Variants in KCNJ3 observed in about 807,000 individuals in gnomAD.
The protein encoded by KCNJ3 is potassium inwardly rectifying channel subfamily J member 3.
In KCNJ3, 4 loss-of-function variants were observed where a neutral mutation model predicts 39.2. The ratio of observed to expected loss-of-function variants is 0.10; its 90% CI spans 0.05 to 0.23. The LOEUF is 0.23. Among genes scored for constraint, KCNJ3 ranks in the 10% least tolerant of loss-of-function variants. The pLI is 1.00. For missense variants in KCNJ3, 276 were observed against 634.9 expected, an observed-to-expected ratio of 0.43 and a Z score of 6.08; for synonymous variants, 230 against 237.4, an observed-to-expected ratio of 0.97 and a Z score of 0.29.
chr2:154,846,383 C>T, intron 2 of KCNJ3, among the ~76,000 whole-genome samples: 1 of 152,146 alleles, frequency 6.6e-6, no homozygotes, highest in Non-Finnish European at 1.5e-5. Flanking sequence ...ATAATCATGA[C>T]TGATAATAGT....
chr2:154,836,241 CA>C (rs138197731), intron 2 of KCNJ3, among the ~76,000 whole-genome samples: 2 of 82,540 alleles, frequency 2.4e-5, no homozygotes, highest in East Asian at 6.7e-4. Context: ...AAAAAAAAAA[CA>C]AAAAAAAACA....
At chr2:154,816,024 G>C (rs906750641) in intron 2 of KCNJ3, among the ~76,000 whole-genome samples, 1 of 152,148 alleles carries the variant, frequency 6.6e-6, no homozygotes, top group African/African-American at 2.4e-5. Flanking sequence ...TTGTTTGCTT[G>C]CTTACTTTTT....
At chr2:154,771,603 C>T (rs1028952088) in intron 2 of KCNJ3, among the ~76,000 whole-genome samples, 1 of 152,030 alleles carries the variant, frequency 6.6e-6, no homozygotes, top group African/African-American at 2.4e-5. Context: ...GTTGTGTATT[C>T]CAAAAGGTAG....
intron 2 of KCNJ3, among the ~76,000 whole-genome samples, chr2:154,825,981 CA>C (rs1250219764): frequency 1.3e-5 from 2 of 151,528 alleles, no homozygotes; most frequent in Non-Finnish European, 2.9e-5. Flanking sequence ...TGTTAATAGT[CA>C]AAAGATTAGT....
chr2:154,822,171 A>G (rs1687196171), intron 2 of KCNJ3, among the ~76,000 whole-genome samples: 1 of 152,136 alleles, frequency 6.6e-6, no homozygotes, highest in African/African-American at 2.4e-5. Flanking sequence ...TTTGTAATAT[A>G]TTTTCAGACG....
intron 2 of KCNJ3, among the ~76,000 whole-genome samples, chr2:154,809,695 A>G (rs989970212): frequency 6.6e-6 from 1 of 152,188 alleles, no homozygotes; most frequent in African/African-American, 2.4e-5. Context: ...AGTCTTGGTC[A>G]TGTACTCATA....
At chr2:154,760,472 T>G (rs1347661338) in intron 2 of KCNJ3, among the ~76,000 whole-genome samples, 1 of 152,134 alleles carries the variant, frequency 6.6e-6, no homozygotes, top group Non-Finnish European at 1.5e-5. Flanking sequence ...ATTTAGTTGG[T>G]TTTATTTTAA....
intron 2 of KCNJ3, among the ~76,000 whole-genome samples, chr2:154,734,034 G>C (rs1387369827): frequency 6.6e-6 from 1 of 152,120 alleles, no homozygotes; most frequent in Non-Finnish European, 1.5e-5. Context: ...TTCACAATGT[G>C]AACTTATTTC....
At chr2:154,722,944 G>C (rs1685289974) in intron 2 of KCNJ3, among the ~76,000 whole-genome samples, 1 of 152,042 alleles carries the variant, frequency 6.6e-6, no homozygotes, top group Non-Finnish European at 1.5e-5. Flanking sequence ...TGGAGGGGAA[G>C]ATATTTAAGA....
In KCNJ3 at chr2:154,856,581, G is replaced by C. The variant is rs184744339; in HGVS notation, c.*1268G>C. ...ATGCCTGTCACTTATAGTTCAGGAGGAAGTTTTTGCACAGACCAGAGAGAA... is the reference window on the plus strand; with the variant it reads ...ATGCCTGTCACTTATAGTTCAGGAGCAAGTTTTTGCACAGACCAGAGAGAA... On this transcript the variant is annotated 3_prime_UTR_variant, in exon 3 of 3. Coordinates refer to ENST00000295101, the MANE Select transcript of KCNJ3 (RefSeq NM_002239.4). The C allele has an allele frequency of 2.2e-3, 333 of 152,224 alleles. 7 individuals carry two copies. Among genetic ancestry groups the C allele is most frequent in the African/African-American group, 7.5e-3 (313 of 41,552 alleles). The allele number at this position is 152,224 out of a possible 1,614,324, so 9.4% of individuals were successfully genotyped here. A position where few individuals can be genotyped will look rare whatever the true frequency, so the allele number is the denominator to read the frequency against.
intron 2 of KCNJ3, among the ~76,000 whole-genome samples, chr2:154,823,005 G>A (rs541639388): frequency 6.6e-6 from 1 of 151,604 alleles, no homozygotes; most frequent in African/African-American, 2.4e-5. Context: ...TTATGCATAT[G>A]AATATAATAT....
In KCNJ3 at chr2:154,855,231, A is replaced by G; in HGVS notation, c.1424A>G (p.Gln475Arg). The G allele has an allele frequency of 6.2e-7, 1 of 1,613,856 alleles. No homozygotes were observed. Among genetic ancestry groups the G allele is most frequent in the Non-Finnish European group, 8.5e-7 (1 of 1,179,928 alleles). The change falls in exon 3 of 3, where the codon CAA becomes CGA. Residue 475 changes from glutamine (Q) to arginine (R), a missense_variant. Physicochemically the swap from Gln to Arg is conservative, Grantham distance 43. This residue lies in a region of KCNJ3 where 126 missense variants were observed against 179.8 expected (regional missense o/e 0.70). Coordinates refer to ENST00000295101, the MANE Select transcript of KCNJ3 (RefSeq NM_002239.4). ...GTGGCTGATTTGCCACCAAAGCTTC[A>G]AAAGATGGCTGGAGGAGCAGCTAGG... The part of the protein sequence containing the change: ...QSVADLPPKL[Q>R]KMAGGAARME...
In KCNJ3 at chr2:154,739,698, T is replaced by C. The variant is rs1001672241; in HGVS notation, c.919+29879T>C. 5.9e-5 allele frequency among the ~76,000 whole-genome samples: 9 copies of C among 152,046 alleles called. 1 individual carries two copies. The highest frequency in any genetic ancestry group is 2.9e-5 in the Non-Finnish European group (2 of 67,956). On this transcript the variant is annotated intron_variant, in intron 2 of 2. Coordinates refer to ENST00000295101, the MANE Select transcript of KCNJ3 (RefSeq NM_002239.4). ...AGGCTTCTTTGAGTCATTGTTTTAATATGGGCAGGGGAAAAGAAAATTAGC... is the reference window on the plus strand; with the variant it reads ...AGGCTTCTTTGAGTCATTGTTTTAACATGGGCAGGGGAAAAGAAAATTAGC...
intron 1 of KCNJ3, among the ~76,000 whole-genome samples, chr2:154,703,440 T>C (rs2105146276): frequency 6.6e-6 from 1 of 151,960 alleles, no homozygotes; most frequent in Non-Finnish European, 1.5e-5. Flanking sequence ...ACATCACATA[T>C]GTTATTTTTG....
At chr2:154,849,148 T>A (rs1558890998) in intron 2 of KCNJ3, among the ~76,000 whole-genome samples, 1 of 152,186 alleles carries the variant, frequency 6.6e-6, no homozygotes, top group Non-Finnish European at 1.5e-5. Flanking sequence ...TATCCCTCTG[T>A]GACTCAGTTT....
At chr2:154,709,568 G>A (rs991982138) in intron 1 of KCNJ3, 35 bp from the exon 2 acceptor site, 2 of 1,599,210 alleles carry the variant, frequency 1.3e-6, no homozygotes, top group East Asian at 4.5e-5. Context: ...CAGTACAAGT[G>A]GTGATTTCTT....
Position 154,801,592 on chromosome 2 carries a change from C to CCTTTCTTTCTTTCTTTCT in KCNJ3, c.920-53130_920-53113dup, listed in dbSNP as rs891972208. Among the ~76,000 whole-genome samples the CCTTTCTTTCTTTCTTTCT allele has an allele frequency of 3.7e-3, 482 of 129,072 alleles. 2 individuals carry two copies. Among genetic ancestry groups the CCTTTCTTTCTTTCTTTCT allele is most frequent in the Admixed American group, 5.9e-3 (74 of 12,516 alleles). 84.7% of individuals were successfully genotyped at this position (129,072 alleles called of 152,430 possible). A position where few individuals can be genotyped will look rare whatever the true frequency, so the allele number is the denominator to read the frequency against. On this transcript the variant is annotated intron_variant, in intron 2 of 2. Transcript: ENST00000295101. ...CTTTCTCTGTCTCTCTCTTTCTTTC[C>CCTTTCTTTCTTTCTTTCT]CTTTCTTTCTTTCTTTCTCTTTTTT...
intron 2 of KCNJ3, among the ~76,000 whole-genome samples, chr2:154,771,522 T>G (rs1686241743): frequency 6.6e-6 from 1 of 152,104 alleles, no homozygotes; most frequent in African/African-American, 2.4e-5. Flanking sequence ...TTAGAGCTAC[T>G]GAAGTAGGGT....
At chr2:154,766,868 A>G (rs190724917) in intron 2 of KCNJ3, among the ~76,000 whole-genome samples, 1 of 152,098 alleles carries the variant, frequency 6.6e-6, no homozygotes, top group Admixed American at 6.6e-5. Context: ...TTTTATTTTT[A>G]TAGGGGCCAT....
Sources: allele counts gnomAD v4.1 joint callset (sites outside exome capture counted in the v4.1 genomes callset), GRCh38; gene constraint gnomAD v4.1.1; regional missense constraint gnomAD v4.1.1; transcripts MANE v1.5; gene names NCBI Gene and HGNC (gene_info 2026-07-23, HGNC 2026-07-21).